Variants in KDM4C observed in about 807,000 individuals in gnomAD.
KDM4C encodes lysine demethylase 4C, also known as lysine-specific demethylase 4C.
KDM4C carries 81 observed loss-of-function variants against 129.3 expected under a neutral mutation model. The observed-to-expected ratio is 0.63, with a 90% confidence interval of 0.52 to 0.75. The LOEUF (loss-of-function observed/expected upper bound fraction) is 0.75. Ranked by LOEUF, KDM4C falls within the 30% of genes least tolerant of loss-of-function variation. KDM4C has a pLI of 0.00. For synonymous variants in KDM4C, 573 were observed against 456.1 expected, an observed-to-expected ratio of 1.26 and a Z score of -3.26; for missense variants, 1,457 against 1,304.0, an observed-to-expected ratio of 1.12 and a Z score of -1.81.
rs548398921 is a variant in KDM4C at position 6,760,586 on chromosome 9, T to A, written c.-18+2383T>A. On this transcript the variant is annotated intron_variant, in intron 1 of 21. Transcript: ENST00000381309. ...TATTTATTTATTTATTTATTTATTT[T>A]TTGAGACGAAGTCTCACTCTGTTGC... is the stretch of plus-strand genomic sequence containing the variant. Among the ~76,000 whole-genome samples the A allele has an allele frequency of 2.5e-3, 342 of 138,698 alleles. 7 individuals carry two copies. The South Asian group carries it at 0.05, about 20-fold the overall frequency. 91.0% of individuals were successfully genotyped at this position (138,698 alleles called of 152,430 possible).
intron 2 of KDM4C, among the ~76,000 whole-genome samples, chr9:6,804,495 C>T (rs908299864): frequency 7.9e-5 from 12 of 152,018 alleles, no homozygotes; most frequent in African/African-American, 2.4e-4. Context: ...CGTGGTGGCT[C>T]ACGCCTGTAA....
intron 1 of KDM4C, among the ~76,000 whole-genome samples, chr9:6,745,234 T>A (rs1817836443): frequency 6.6e-6 from 1 of 152,162 alleles, no homozygotes; most frequent in African/African-American, 2.4e-5. Flanking sequence ...AACTTTCTGG[T>A]CTCAAACCTT....
rs368319271 is a variant in KDM4C, at chr9:7,156,837, T to A, written c.2782-8401T>A. Among the ~76,000 whole-genome samples the A allele has an allele frequency of 4.9e-3, 742 of 152,300 alleles. 1 individual carries two copies. The highest frequency in any genetic ancestry group is 8.8e-3 in the Non-Finnish European group (599 of 68,002). ...CTTAGGATTGTCTTGGCAATGTGGG[T>A]TCTTTTTTGGTTCCATATGAACTTT... On this transcript the variant is annotated intron_variant, in intron 19 of 21. Transcript: ENST00000381309.
chr9:6,733,213 C>T (rs1004654682), intron 1 of KDM4C, among the ~76,000 whole-genome samples: 4 of 152,164 alleles, frequency 2.6e-5, no homozygotes, highest in African/African-American at 9.7e-5. Context: ...AAACAAAACT[C>T]AGGCTCTGGG....
Position 6,748,773 on chromosome 9 carries a change from G to C in KDM4C, c.49+27776G>C. ...CATGATCCGACCCAGTTGTTTTCTT[G>C]ACTTTGTTTTCGAATGAATCTCTTC... is the stretch of plus-strand genomic sequence containing the variant. On this transcript the variant is annotated intron_variant, in intron 1 of 17. Coordinates refer to the KDM4C transcript ENST00000536108. 2.1e-6 allele frequency: 3 copies of C among 1,450,844 alleles called. 1 individual carries two copies. In the East Asian group the frequency reaches 6.8e-5, roughly 33 times the overall value. The allele number at this position is 1,450,844 out of a possible 1,614,324, so 89.9% of individuals were successfully genotyped here.
At chr9:6,987,946 C>G (rs1818012767) in intron 11 of KDM4C, among the ~76,000 whole-genome samples, 1 of 150,986 alleles carries the variant, frequency 6.6e-6, no homozygotes, top group African/African-American at 2.4e-5. Context: ...CCCCTCGAGC[C>G]CAGAGGTTCG....
At chr9:6,880,168 G>T in intron 6 of KDM4C, 107 bp downstream of exon 6, 6 of 540,480 alleles carry the variant, frequency 1.1e-5, no homozygotes, top group Middle Eastern at 4.9e-4. Context: ...TACTCTGTTG[G>T]TTTTATTCTA....
chr9:6,936,554 A>G (rs1382274627), intron 8 of KDM4C, among the ~76,000 whole-genome samples: 1 of 152,198 alleles, frequency 6.6e-6, no homozygotes, highest in African/African-American at 2.4e-5. Flanking sequence ...AAAATTTCCC[A>G]TGAGAAATCA....
chr9:6,787,797 G>C (rs1214333181), intron 1 of KDM4C, among the ~76,000 whole-genome samples: 1 of 152,194 alleles, frequency 6.6e-6, no homozygotes, highest in African/African-American at 2.4e-5. Flanking sequence ...CTCTGCTTCA[G>C]ATGGTCCAGA....
chr9:6,728,039 G>C (rs367565356), intron 1 of KDM4C, among the ~76,000 whole-genome samples: 1 of 75,306 alleles, frequency 1.3e-5, no homozygotes, highest in East Asian at 4.2e-4. Flanking sequence ...TAAATAAAAA[G>C]TTTGGCCAAA....
intron 8 of KDM4C, among the ~76,000 whole-genome samples, chr9:6,951,648 A>T (rs1828162929): frequency 6.6e-6 from 1 of 152,250 alleles, no homozygotes; most frequent in Admixed American, 6.5e-5. Context: ...ATAACAGGAC[A>T]ATTACCCATG....
At chr9:7,102,482 AC>A (rs1349471085) in intron 17 of KDM4C, among the ~76,000 whole-genome samples, 3 of 152,198 alleles carry the variant, frequency 2.0e-5, no homozygotes, top group Non-Finnish European at 4.4e-5. Flanking sequence ...ATGGAGATAC[AC>A]ATTGGGAATC....
rs59151680 is a variant in KDM4C at position 6,801,239 on chromosome 9, A to ATT, written c.145-4329_145-4328dup. On this transcript the variant is annotated intron_variant, in intron 2 of 21. Transcript: ENST00000381309. ...CATTTTTATGTCCTTGAGTAGGGAA[A>ATT]TTTTTTTTTTTTTTTTTTTTTTTTT... Among the ~76,000 whole-genome samples, 251 of 65,744 alleles carry ATT rather than the reference A, an allele frequency of 3.8e-3. 7 individuals are homozygous for ATT. Among genetic ancestry groups the ATT allele is most frequent in the South Asian group, 7.2e-3 (11 of 1,534 alleles). The allele number at this position is 65,744 out of a possible 152,430, so 43.1% of individuals were successfully genotyped here. A position where few individuals can be genotyped will look rare whatever the true frequency, so the allele number is the denominator to read the frequency against.
intron 8 of KDM4C, among the ~76,000 whole-genome samples, chr9:6,960,038 C>T (rs554700101): frequency 2.3e-4 from 35 of 151,804 alleles, no homozygotes; most frequent in Non-Finnish European, 3.8e-4. Flanking sequence ...AGTAATCCTC[C>T]CAAGCAGAAG....
chr9:7,015,733 G>A (rs1823537711), intron 14 of KDM4C, 120 bp from the exon 15 acceptor site: 2 of 623,950 alleles, frequency 3.2e-6, no homozygotes, highest in Non-Finnish European at 2.9e-6. Flanking sequence ...GTTCTATACA[G>A]TGAGAATCAA....
chr9:7,135,306 G>T (rs550207311), intron 19 of KDM4C, among the ~76,000 whole-genome samples: 1 of 152,082 alleles, frequency 6.6e-6, no homozygotes, highest in African/African-American at 2.4e-5. Flanking sequence ...TTCTGTGCTG[G>T]CAGTTATCTC....
chr9:7,105,413 G>A (rs1195640736), intron 18 of KDM4C: 2 of 470,704 alleles, frequency 4.2e-6, no homozygotes, highest in Non-Finnish European at 8.8e-6. Flanking sequence ...TCACAGCACA[G>A]AGTAAGCACT....
At chr9:7,084,805 A>G (rs989466092) in intron 17 of KDM4C, among the ~76,000 whole-genome samples, 1 of 152,240 alleles carries the variant, frequency 6.6e-6, no homozygotes, top group Non-Finnish European at 1.5e-5. Context: ...GGCACTTACC[A>G]TGTTCCAGTT....
At chr9:6,830,984 C>T (rs1446760418) in intron 4 of KDM4C, among the ~76,000 whole-genome samples, 1 of 152,072 alleles carries the variant, frequency 6.6e-6, no homozygotes, top group Non-Finnish European at 1.5e-5. Flanking sequence ...TGGGATTTTC[C>T]AGGTATTAGT....
Sources: allele counts gnomAD v4.1 joint callset (sites outside exome capture counted in the v4.1 genomes callset), GRCh38; gene constraint gnomAD v4.1.1; transcripts MANE v1.5; gene names NCBI Gene and HGNC (gene_info 2026-07-23, HGNC 2026-07-21).